The following FBLN2 variants were observed in gnomAD, a reference collection of about 807,000 sequenced individuals.
FBLN2 encodes the protein fibulin-2.
FBLN2 carries 81 observed loss-of-function variants against 123.7 expected under a neutral mutation model. That is an observed-to-expected ratio of 0.65 (90% CI 0.55 to 0.79). FBLN2 has a LOEUF of 0.79. Ranked by LOEUF, FBLN2 falls within the 30% of genes least tolerant of loss-of-function variation. The probability of loss-of-function intolerance (pLI) is 0.00; values close to 1 mark genes in which losing one functional copy is unlikely to be tolerated. For missense variants in FBLN2, 1,603 were observed against 1,681.3 expected (o/e 0.95, Z 0.81); for synonymous variants, 699 against 701.4 (o/e 1.00, Z 0.05).
chr3:13,607,354 T>C (rs892186375), intron 2 of FBLN2, among the ~76,000 whole-genome samples: 3 of 152,050 alleles, frequency 2.0e-5, no homozygotes, highest in African/African-American at 7.3e-5. Flanking sequence ...AGAGAAAATA[T>C]GTTTACTATT....
rs373022702 is a variant in FBLN2 at position 13,587,098 on chromosome 3, T to C, written c.1306+15437T>C. On this transcript the variant is annotated intron_variant, in intron 2 of 17. Coordinates refer to ENST00000404922, the MANE Select transcript of FBLN2 (RefSeq NM_001004019.2). ...AGGCGGAGTTTGTAGTGAGCCCAGA[T>C]TGGGCCACTGCATTCCAGCCGGGGT... is the stretch of plus-strand genomic sequence containing the variant. Among the ~76,000 whole-genome samples, 21 of 147,388 alleles carry C rather than the reference T, an allele frequency of 1.4e-4. 1 individual carries two copies. The highest frequency in any genetic ancestry group is 1.0e-3 in the East Asian group (5 of 4,970).
At chr3:13,590,541 G>A (rs530169094) in intron 2 of FBLN2, among the ~76,000 whole-genome samples, 2 of 152,004 alleles carry the variant, frequency 1.3e-5, no homozygotes, top group African/African-American at 4.8e-5. Context: ...GGCCAGGCTG[G>A]TCTTGAACTC....
chr3:13,634,967 ATGT>A (rs1403237132), intron 16 of FBLN2, among the ~76,000 whole-genome samples: 1 of 152,134 alleles, frequency 6.6e-6, no homozygotes, highest in Non-Finnish European at 1.5e-5. Flanking sequence ...TATTACTATT[ATGT>A]TGTTGTTATT....
intron 9 of FBLN2, 103 bp from the exon 10 acceptor site, chr3:13,626,342 G>C: frequency 8.1e-7 from 1 of 1,228,828 alleles, no homozygotes; most frequent in African/African-American, 1.5e-5. Flanking sequence ...CCTGAGGGCA[G>C]GGCCTGGAGC....
intron 2 of FBLN2, among the ~76,000 whole-genome samples, chr3:13,605,001 C>T (rs1320845145): frequency 6.6e-6 from 1 of 152,190 alleles, no homozygotes; most frequent in Non-Finnish European, 1.5e-5. Context: ...GGCCTTAGCA[C>T]CTACACAGCC....
intron 11 of FBLN2, among the ~76,000 whole-genome samples, chr3:13,628,196 T>A (rs1706117208): frequency 6.6e-6 from 1 of 152,218 alleles, no homozygotes; most frequent in South Asian, 2.1e-4. Flanking sequence ...AAACCTTGGC[T>A]GAGTTATTAT....
intron 2 of FBLN2, among the ~76,000 whole-genome samples, chr3:13,592,254 G>A (rs1479974681): frequency 1.3e-5 from 2 of 151,876 alleles, no homozygotes; most frequent in East Asian, 3.9e-4. Flanking sequence ...TCGAACTCCT[G>A]ACCTCAAGCA....
chr3:13,608,420 C>G (rs17793957), intron 3 of FBLN2, among the ~76,000 whole-genome samples: 8,964 of 152,316 alleles, frequency 0.059, 387 homozygotes, highest in Non-Finnish European at 0.085. Flanking sequence ...TGAGCAAGAT[C>G]CGAGGAATGT....
In FBLN2 at chr3:13,605,659, G is replaced by A. The variant is rs115431467; in HGVS notation, c.1307-2403G>A. 1.3e-3 allele frequency among the ~76,000 whole-genome samples: 205 copies of A among 152,236 alleles called. 4 individuals carry two copies. Among genetic ancestry groups the A allele is most frequent in the African/African-American group, 4.7e-3 (195 of 41,532 alleles). On this transcript the variant is annotated intron_variant, in intron 2 of 17. Coordinates refer to ENST00000404922, the MANE Select transcript of FBLN2 (RefSeq NM_001004019.2). ...TTTCCACAAATAACACTTGACATGGGCATCCTTGTACTGGTTGTGTTACGG... is the reference window on the plus strand; with the variant it reads ...TTTCCACAAATAACACTTGACATGGACATCCTTGTACTGGTTGTGTTACGG...
intron 2 of FBLN2, among the ~76,000 whole-genome samples, chr3:13,599,933 C>A (rs545444367): frequency 6.7e-6 from 1 of 149,910 alleles, no homozygotes; most frequent in African/African-American, 2.5e-5. Flanking sequence ...ATGAGATCAG[C>A]CAGGCCAGCG....
At chr3:13,618,389 AC>A in intron 6 of FBLN2, 104 bp downstream of exon 6, 1 of 1,067,184 alleles carries the variant, frequency 9.4e-7, no homozygotes, top group Non-Finnish European at 1.4e-6. Context: ...ACTTCCTGTT[AC>A]CCCACAAGTT....
intron 2 of FBLN2, among the ~76,000 whole-genome samples, chr3:13,591,824 CT>C (rs1704684815): frequency 6.6e-6 from 1 of 152,112 alleles, no homozygotes; most frequent in Admixed American, 6.5e-5. Flanking sequence ...ACACATTTAG[CT>C]CCTTAGTGCA....
In FBLN2 at chr3:13,578,166, C is replaced by G. The variant is rs1704209365; in HGVS notation, c.1306+6505C>G. 1.3e-5 allele frequency among the ~76,000 whole-genome samples: 2 copies of G among 152,188 alleles called. 1 individual carries two copies. The highest frequency in any genetic ancestry group is 1.3e-4 in the Admixed American group (2 of 15,282). On this transcript the variant is annotated intron_variant, in intron 2 of 17. Transcript: ENST00000404922. Reference sequence around the variant, plus strand: ...GTTTCTTTAATTTTAAAAACTAACTCTGTTAGTTTATGCAAATAAAACCAC... The same window carrying G: ...GTTTCTTTAATTTTAAAAACTAACTGTGTTAGTTTATGCAAATAAAACCAC...
At position 13,571,325 on chromosome 3, in the gene FBLN2, G is replaced by C; in HGVS notation, c.970G>C (p.Ala324Pro). 1.2e-6 allele frequency: 2 copies of C among 1,604,684 alleles called. No individual in the cohort carries two copies. The highest frequency in any genetic ancestry group is 1.7e-6 in the Non-Finnish European group (2 of 1,176,038). Reference sequence around the variant, plus strand: ...CAGTCTTCCTATCCAGGAGGAGAGGGCAGAAGCTGGGGCAAGGGCAGAAGC... The same window carrying C: ...CAGTCTTCCTATCCAGGAGGAGAGGCCAGAAGCTGGGGCAAGGGCAGAAGC... Reference protein sequence around the residue: ...GPSLPIQEERAEAGARAEAGA... With the variant: ...GPSLPIQEERPEAGARAEAGA... Residue 324 changes from alanine (A) to proline (P), a missense_variant, in exon 2 of 18, where the codon GCA becomes CCA. Transcript: ENST00000404922.
chr3:13,612,304 T>TTTCC (rs1207852718), intron 4 of FBLN2, among the ~76,000 whole-genome samples: 5 of 76,930 alleles, frequency 6.5e-5, no homozygotes. Flanking sequence ...CCTTTCTTTC[T>TTTCC]TTCTTTCTTT....
intron 9 of FBLN2, among the ~76,000 whole-genome samples, chr3:13,624,436 A>G (rs1229895465): frequency 1.3e-5 from 2 of 152,230 alleles, no homozygotes; most frequent in Non-Finnish European, 2.9e-5. Flanking sequence ...CCTGTAAATC[A>G]GAAATCTTTA....
intron 5 of FBLN2, among the ~76,000 whole-genome samples, chr3:13,614,872 C>G (rs559387587): frequency 6.6e-6 from 1 of 151,492 alleles, no homozygotes; most frequent in South Asian, 2.1e-4. Flanking sequence ...ATCTGTCCAT[C>G]TATCCATCTG....
chr3:13,570,065 G>A (rs1264072448), intron 1 of FBLN2, among the ~76,000 whole-genome samples: 2 of 152,132 alleles, frequency 1.3e-5, no homozygotes, highest in African/African-American at 2.4e-5. Flanking sequence ...CAGCAAACAC[G>A]TGTGGGGCTG....
intron 1 of FBLN2, among the ~76,000 whole-genome samples, chr3:13,550,084 G>A (rs1703281052): frequency 6.6e-6 from 1 of 152,206 alleles, no homozygotes; most frequent in Non-Finnish European, 1.5e-5. Flanking sequence ...CAAACACTGG[G>A]AGTGCCACAC....
Sources: gnomAD v4.1 joint callset for allele counts (sites outside exome capture counted in the v4.1 genomes callset) on GRCh38, gnomAD v4.1.1 for gene constraint, MANE v1.5 for transcripts, NCBI Gene and HGNC (gene_info 2026-07-23, HGNC 2026-07-21) for gene names.